The following OTUD7A variants were observed in gnomAD, a reference collection of about 807,000 sequenced individuals.
The protein encoded by OTUD7A is OTU deubiquitinase 7A, also known as OTU domain-containing protein 7A.
OTUD7A carries 12 observed loss-of-function variants against 65.7 expected under a neutral mutation model. The ratio of observed to expected loss-of-function variants is 0.18; its 90% CI spans 0.12 to 0.30. The LOEUF (loss-of-function observed/expected upper bound fraction) is 0.30, where lower values mean the gene tolerates loss of function less well. OTUD7A is among the 10% of genes least tolerant of loss of function. OTUD7A has a pLI of 1.00. For missense variants in OTUD7A, 1,148 were observed against 1,304.8 expected, an observed-to-expected ratio of 0.88 and a Z score of 1.85; for synonymous variants, 641 against 586.3, an observed-to-expected ratio of 1.09 and a Z score of -1.35.
intron 3 of OTUD7A, among the ~76,000 whole-genome samples, chr15:31,635,702 C>T (rs868606512): frequency 1.3e-5 from 2 of 152,188 alleles, no homozygotes; most frequent in Non-Finnish European, 1.5e-5. Flanking sequence ...TTGAAAAAGT[C>T]GATGTAACTG....
At chr15:31,562,779 T>A (rs1168030098) in intron 4 of OTUD7A, among the ~76,000 whole-genome samples, 1 of 152,196 alleles carries the variant, frequency 6.6e-6, no homozygotes, top group Non-Finnish European at 1.5e-5. Context: ...CCTCTGTCTT[T>A]GCAGCACTAA....
chr15:31,488,534 C>T (rs374489219), intron 10 of OTUD7A, among the ~76,000 whole-genome samples: 12 of 152,286 alleles, frequency 7.9e-5, no homozygotes, highest in Middle Eastern at 6.8e-3. Flanking sequence ...CAAGCAGCAG[C>T]CTCCTCCATG....
intron 1 of OTUD7A, among the ~76,000 whole-genome samples, chr15:31,865,393 T>G (rs1172625635): frequency 6.6e-6 from 1 of 152,158 alleles, no homozygotes. Flanking sequence ...TTGCATGGAC[T>G]TCAGGGATGA....
At chr15:31,816,315 A>G (rs1242312513) in intron 1 of OTUD7A, among the ~76,000 whole-genome samples, 5 of 152,238 alleles carry the variant, frequency 3.3e-5, no homozygotes, top group Admixed American at 6.5e-5. Context: ...CAGAAAAGGG[A>G]GGAAAAAGCT....
At chr15:31,624,302 G>A (rs1260594544) in intron 3 of OTUD7A, among the ~76,000 whole-genome samples, 2 of 152,182 alleles carry the variant, frequency 1.3e-5, no homozygotes, top group African/African-American at 4.8e-5. Context: ...AATAATTCAT[G>A]CTAAAAGCTG....
At chr15:31,791,304 C>G (rs1895808028) in intron 1 of OTUD7A, among the ~76,000 whole-genome samples, 2 of 152,180 alleles carry the variant, frequency 1.3e-5, no homozygotes, top group African/African-American at 2.4e-5. Flanking sequence ...GGATTACAGG[C>G]ATAAGCTAAC....
intron 4 of OTUD7A, among the ~76,000 whole-genome samples, chr15:31,563,810 G>A (rs941812746): frequency 1.3e-5 from 2 of 152,210 alleles, no homozygotes; most frequent in Non-Finnish European, 2.9e-5. Context: ...ATGCAGAGGG[G>A]AACAGGCAGG....
chr15:31,483,910 T>C lies in OTUD7A; in HGVS notation c.2186A>G (p.Lys729Arg). Residue 729 changes from lysine (K) to arginine (R), a missense_variant, in exon 13 of 13, where the codon AAG (lysine) becomes AGG (arginine). Physicochemically the swap from Lys to Arg is conservative, Grantham distance 26. This residue lies in a region of OTUD7A where 842 missense variants were observed against 769.5 expected (regional missense o/e 1.09). Coordinates refer to ENST00000307050, the MANE Select transcript of OTUD7A (RefSeq NM_001382637.1). The stretch of plus-strand genomic sequence containing the variant: ...CGCGGGCCCGGGGCTCGGCCGCTCC[T>C]TGAGCTTGAGCACCAGCTGCGTGGG... The part of the protein sequence containing the change: ...GPPTQLVLKL[K>R]ERPSPGPAAG... The C allele has an allele frequency of 9.5e-7, 1 of 1,051,396 alleles. No homozygotes were observed. The highest frequency in any genetic ancestry group is 1.1e-6 in the Non-Finnish European group (1 of 870,752). 65.1% of individuals were successfully genotyped at this position (1,051,396 alleles called of 1,614,324 possible). A position where few individuals can be genotyped will look rare whatever the true frequency, so the allele number is the denominator to read the frequency against.
chr15:31,551,367 C>G (rs756880932), intron 5 of OTUD7A, among the ~76,000 whole-genome samples: 11 of 152,202 alleles, frequency 7.2e-5, no homozygotes, highest in Non-Finnish European at 1.3e-4. Flanking sequence ...TCATTCCCAA[C>G]TCCCCATGAC....
chr15:31,772,369 C>T (rs2338891), intron 1 of OTUD7A, among the ~76,000 whole-genome samples: 136,384 of 152,186 alleles, frequency 0.9, 62,450 homozygotes, highest in East Asian at 1. Flanking sequence ...TCATTCACCT[C>T]TATGTGCCCA....
At chr15:31,639,275 T>G (rs1595677238) in intron 3 of OTUD7A, among the ~76,000 whole-genome samples, 1 of 152,070 alleles carries the variant, frequency 6.6e-6, no homozygotes, top group Non-Finnish European at 1.5e-5. Flanking sequence ...AGTTTTTTTT[T>G]GTCTCACTTC....
At chr15:31,756,292 C>T (rs948604596) in intron 1 of OTUD7A, among the ~76,000 whole-genome samples, 3 of 152,182 alleles carry the variant, frequency 2.0e-5, no homozygotes, top group African/African-American at 7.2e-5. Context: ...ATTTTAACTT[C>T]TCTTTACTTA....
At chr15:31,855,675 T>C (rs1897552654) in intron 1 of OTUD7A, among the ~76,000 whole-genome samples, 1 of 152,138 alleles carries the variant, frequency 6.6e-6, no homozygotes, top group Non-Finnish European at 1.5e-5. Flanking sequence ...TAAAAAGTTA[T>C]AGGGTGAGTA....
chr15:31,570,002 A>C lies in OTUD7A; in HGVS notation c.331+16T>G, dbSNP rs1415902581. The stretch of plus-strand genomic sequence containing the variant: ...GGCCTGGGCGGCTGTGCCTAGGCTC[A>C]GTCCCTCAGCGGTACCTTGGGCAAT... On this transcript the variant is annotated intron_variant, in intron 4 of 12. Coordinates refer to ENST00000307050, the MANE Select transcript of OTUD7A (RefSeq NM_001382637.1). 1 of 1,613,030 alleles carries C rather than the reference A, an allele frequency of 6.2e-7. No homozygotes were observed. The highest frequency in any genetic ancestry group is 8.5e-7 in the Non-Finnish European group (1 of 1,179,832).
At chr15:31,501,589 G>T in intron 10 of OTUD7A, 101 bp downstream of exon 10, 2 of 1,476,962 alleles carry the variant, frequency 1.4e-6, no homozygotes, top group African/African-American at 1.4e-5. Flanking sequence ...GCTTCTAAGG[G>T]GGGGTCTCCA....
chr15:31,746,009 G>A (rs575044260), intron 1 of OTUD7A, among the ~76,000 whole-genome samples: 103 of 152,232 alleles, frequency 6.8e-4, no homozygotes, highest in African/African-American at 2.4e-3. Flanking sequence ...CCACTAGAAT[G>A]GCTAAAATTA....
At chr15:31,554,100 G>A (rs760773301) in intron 5 of OTUD7A, among the ~76,000 whole-genome samples, 3 of 152,138 alleles carry the variant, frequency 2.0e-5, no homozygotes, top group African/African-American at 4.8e-5. Context: ...GACTCCCTCT[G>A]CCAGGAAAGC....
intron 1 of OTUD7A, among the ~76,000 whole-genome samples, chr15:31,785,492 C>T (rs1367821712): frequency 2.6e-5 from 4 of 152,150 alleles, no homozygotes; most frequent in African/African-American, 9.7e-5. Flanking sequence ...GACCTGGCCT[C>T]TGGAGCTCCC....
chr15:31,810,812 A>G (rs1270845233), intron 1 of OTUD7A, among the ~76,000 whole-genome samples: 1 of 152,170 alleles, frequency 6.6e-6, no homozygotes, highest in Non-Finnish European at 1.5e-5. Flanking sequence ...CCCCTTCTGG[A>G]ATTCTGTCCA....
Sources: gnomAD v4.1 joint callset for allele counts (sites outside exome capture counted in the v4.1 genomes callset) on GRCh38, gnomAD v4.1.1 for gene constraint, gnomAD v4.1.1 regional missense constraint, MANE v1.5 for transcripts, NCBI Gene and HGNC (gene_info 2026-07-23, HGNC 2026-07-21) for gene names.